NUP133: variants seen among roughly 807,000 people sequenced by gnomAD.
NUP133 encodes nucleoporin 133.
Under a neutral mutation model 146.2 loss-of-function variants are expected in NUP133, and 66 were observed. The observed-to-expected ratio is 0.45, with a 90% CI of 0.37 to 0.55. NUP133 has a LOEUF of 0.55. Among genes scored for constraint, NUP133 ranks in the 20% least tolerant of loss-of-function variants. NUP133 has a pLI of 0.00. For synonymous variants in NUP133, 521 were observed against 498.8 expected (o/e 1.04, Z -0.59); for missense variants, 1,277 against 1,374.8 (o/e 0.93, Z 1.12).
chr1:229,454,953 A>G (rs1418510178), intron 21 of NUP133, among the ~76,000 whole-genome samples: 2 of 152,242 alleles, frequency 1.3e-5, no homozygotes, highest in African/African-American at 4.8e-5. Flanking sequence ...AGTACTTAAT[A>G]TATGCAAGCC....
At position 229,490,092 on chromosome 1, in the gene NUP133, C is replaced by G. The variant is rs766071924; in HGVS notation, c.1057G>C (p.Val353Leu). 1.3e-6 allele frequency: 2 copies of G among 1,585,882 alleles called. No individual in the cohort carries two copies. The highest frequency in any genetic ancestry group is 2.3e-5 in the South Asian group (2 of 87,278). The part of the protein sequence containing the change: ...LDLKQNCDGL[V>L]ILAAAWHSAD... ...GAGTGCCATGCTGCTGCCAAAATCA[C>G]CAGCCCATCACTAATCAATAAAAAA... Residue 353 changes from valine (V) to leucine (L), a missense_variant, in exon 9 of 26, where the codon GTG becomes CTG. Coordinates refer to ENST00000261396, the MANE Select transcript of NUP133 (RefSeq NM_018230.3).
At position 229,490,082 on chromosome 1, in the gene NUP133, G is replaced by A; in HGVS notation, c.1067C>T (p.Ala356Val). 4 of 1,590,942 alleles carry A rather than the reference G, an allele frequency of 2.5e-6. No individual in the cohort carries two copies. The highest frequency in any genetic ancestry group is 2.3e-5 in the East Asian group (1 of 44,268). Residue 356 changes from alanine (A) to valine (V), a missense_variant, in exon 9 of 26, where the codon GCA becomes GTA. Ala to Val is a moderately conservative substitution (Grantham distance 64, BLOSUM62 0). Around this residue, in one of 3 missense-constraint regions of NUP133, gnomAD observed 952 missense variants for 1,047.0 expected, o/e 0.91. Transcript: ENST00000261396. ...KQNCDGLVILAAAWHSADNPC... is the reference protein window; with the variant it reads ...KQNCDGLVILVAAWHSADNPC... ...ATTGTCTGCTGAGTGCCATGCTGCT[G>A]CCAAAATCACCAGCCCATCACTAAT... is the stretch of plus-strand genomic sequence containing the variant.
At chr1:229,446,991 G>GT (rs1341343228) in intron 24 of NUP133, among the ~76,000 whole-genome samples, 1 of 152,048 alleles carries the variant, frequency 6.6e-6, no homozygotes, top group Non-Finnish European at 1.5e-5. Context: ...AGGCGTGGTG[G>GT]TACACGCCTG....
chr1:229,487,762 C>A, intron 9 of NUP133, 149 bp from the exon 10 acceptor site: 7 of 539,356 alleles, frequency 1.3e-5, no homozygotes, highest in South Asian at 5.1e-5. Context: ...AGATGATTAA[C>A]AAAACATGAC....
At chr1:229,481,219 CA>C (rs1250789301) in intron 12 of NUP133, among the ~76,000 whole-genome samples, 1 of 152,118 alleles carries the variant, frequency 6.6e-6, no homozygotes, top group Non-Finnish European at 1.5e-5. Flanking sequence ...GGACTTAGAT[CA>C]GGGGTCCCTT....
chr1:229,494,360 CAA>C (rs1490696232), intron 8 of NUP133, among the ~76,000 whole-genome samples: 3 of 152,176 alleles, frequency 2.0e-5, no homozygotes, highest in African/African-American at 7.2e-5. Context: ...CTAAACAGTC[CAA>C]GAGAGAGACA....
At chr1:229,462,490 T>C (rs1302994642) in intron 19 of NUP133, among the ~76,000 whole-genome samples, 4 of 152,188 alleles carry the variant, frequency 2.6e-5, no homozygotes, top group Admixed American at 6.5e-5. Flanking sequence ...AAGCTTTTCA[T>C]AGTAATCAAC....
chr1:229,464,528 G>T, intron 18 of NUP133, 96 bp downstream of exon 18: 2 of 1,394,068 alleles, frequency 1.4e-6, no homozygotes, highest in Non-Finnish European at 2.0e-6. Flanking sequence ...TATTACAGTT[G>T]GATTAACACT....
intron 21 of NUP133, among the ~76,000 whole-genome samples, chr1:229,456,145 G>A (rs867681966): frequency 3.9e-5 from 6 of 152,170 alleles, no homozygotes; most frequent in African/African-American, 1.4e-4. Flanking sequence ...CAGGACACAC[G>A]TGATGGTAGT....
chr1:229,475,796 A>C, intron 13 of NUP133, 64 bp from the exon 14 acceptor site: 1 of 1,261,546 alleles, frequency 7.9e-7, no homozygotes, highest in Non-Finnish European at 1.2e-6. Flanking sequence ...TTTTAATATC[A>C]GTGGCTAACT....
rs139018876 is a variant in NUP133, at chr1:229,508,115, G to A, written c.135C>T (p.Ser45=). The A allele has an allele frequency of 6.4e-7, 1 of 1,569,918 alleles. No homozygotes were observed. ...GGCCGACCGGCGAGAAGAGCACTGG[G>A]GAGCTGACTGCAGACCCCAGGGGCA... ...KGLPLGSAVS[S]PVLFSPVGRR... Residue 45 remains serine, a synonymous_variant, in exon 1 of 26, where the codon TCC becomes TCT. Transcript: ENST00000261396.
At chr1:229,444,103 C>T (rs1660250452) in intron 25 of NUP133, among the ~76,000 whole-genome samples, 1 of 151,896 alleles carries the variant, frequency 6.6e-6, no homozygotes, top group African/African-American at 2.4e-5. Context: ...GAGGCTGAGG[C>T]GGGCAGATCA....
chr1:229,502,494 G>A (rs1661826349), intron 2 of NUP133, among the ~76,000 whole-genome samples: 1 of 143,242 alleles, frequency 7.0e-6, no homozygotes. Context: ...GGGAGGTGGA[G>A]GTTCCAGTGA....
intron 12 of NUP133, among the ~76,000 whole-genome samples, chr1:229,483,456 C>T (rs888898626): frequency 5.3e-5 from 8 of 151,940 alleles, no homozygotes; most frequent in African/African-American, 1.9e-4. Context: ...TGGTGGCTCA[C>T]GCCTGTAATC....
At chr1:229,495,741 TTGAC>T in intron 7 of NUP133, 147 bp downstream of exon 7, 2 of 886,076 alleles carry the variant, frequency 2.3e-6, no homozygotes, top group Non-Finnish European at 3.4e-6. Context: ...TTTCTGGAGA[TTGAC>T]TAACCCATTT....
At chr1:229,453,065 G>A (rs2102749991) in intron 21 of NUP133, among the ~76,000 whole-genome samples, 1 of 152,082 alleles carries the variant, frequency 6.6e-6, no homozygotes, top group African/African-American at 2.4e-5. Flanking sequence ...AAGGGGGATG[G>A]GCCACTAAGC....
rs112338951 is a variant in NUP133, at chr1:229,479,821, G to A, written c.1593-2061C>T. 1.8e-3 allele frequency among the ~76,000 whole-genome samples: 276 copies of A among 152,272 alleles called. 1 individual carries two copies. The highest frequency in any genetic ancestry group is 6.4e-3 in the African/African-American group (266 of 41,558). On this transcript the variant is annotated intron_variant, in intron 12 of 25. Transcript: ENST00000261396. Reference sequence around the variant, plus strand: ...GATCACCGAGGGAGTAGACAGAGAGGGAATGTGGTCGACAACTGAGAATGT... The same window carrying A: ...GATCACCGAGGGAGTAGACAGAGAGAGAATGTGGTCGACAACTGAGAATGT...
chr1:229,481,287 A>G (rs1661206352), intron 12 of NUP133, among the ~76,000 whole-genome samples: 4 of 152,164 alleles, frequency 2.6e-5, no homozygotes, highest in Admixed American at 1.3e-4. Context: ...ACCAGGTTGA[A>G]TAGTGTCTCC....
chr1:229,490,722 G>A (rs1661490236), intron 8 of NUP133, among the ~76,000 whole-genome samples: 1 of 152,152 alleles, frequency 6.6e-6, no homozygotes, highest in Non-Finnish European at 1.5e-5. Context: ...CAGCACTTTG[G>A]GAGGCCAAGG....
Sources: allele counts gnomAD v4.1 joint callset (sites outside exome capture counted in the v4.1 genomes callset), GRCh38; gene constraint gnomAD v4.1.1; regional missense constraint gnomAD v4.1.1; transcripts MANE v1.5; gene names NCBI Gene and HGNC (gene_info 2026-07-23, HGNC 2026-07-21).